Variants in MTRF1 observed in about 807,000 individuals in gnomAD.
The protein encoded by MTRF1 is mitochondrial translation release factor 1, also known as peptide chain release factor 1, mitochondrial.
A neutral mutation model predicts 62.9 loss-of-function variants in MTRF1; 51 were observed. The observed-to-expected ratio is 0.81, with a 90% CI of 0.65 to 1.02. MTRF1 has a LOEUF of 1.02. Among genes scored for constraint, MTRF1 ranks in the 50% least tolerant of loss-of-function variants. MTRF1 has a pLI of 0.00. For missense variants in MTRF1, 446 were observed against 530.0 expected, an observed-to-expected ratio of 0.84 and a Z score of 1.56; for synonymous variants, 158 against 181.9, an observed-to-expected ratio of 0.87 and a Z score of 1.06.
intron 1 of MTRF1, 36 bp from the exon 2 acceptor site, chr13:41,260,951 C>A (rs1457197397): frequency 6.0e-6 from 9 of 1,492,594 alleles, no homozygotes; most frequent in Non-Finnish European, 8.0e-6. Flanking sequence ...AAAAAAAAAT[C>A]ATCTCTAAAG....
At chr13:41,237,218 C>CAAAA (rs11412273) in intron 6 of MTRF1, among the ~76,000 whole-genome samples, 133 of 63,316 alleles carry the variant, frequency 2.1e-3, no homozygotes, top group Middle Eastern at 0.011. Context: ...GAATCTGTCT[C>CAAAA]AAAAAAAAAA....
chr13:41,259,131 C>T lies in MTRF1; in HGVS notation c.415+1362G>A, dbSNP rs578096766. On this transcript the variant is annotated intron_variant, in intron 2 of 9. Transcript: ENST00000379480. ...GGCGGATAATAAGTGTTGGCAAGTA[C>T]GTGGAGAAATATGAACCCTCATACA... Among the ~76,000 whole-genome samples, 12 of 152,192 alleles carry T rather than the reference C, an allele frequency of 7.9e-5. No homozygotes were observed. The East Asian group carries it at 1.7e-3, about 22-fold the overall frequency.
chr13:41,280,214 C>T, the MTRF1 span, among the ~76,000 whole-genome samples: 1 of 152,172 alleles, frequency 6.6e-6, no homozygotes, highest in Non-Finnish European at 1.5e-5. Flanking sequence ...GGATTACAGG[C>T]GTGAGCCACC....
At chr13:41,257,082 A>G (rs977177008) in intron 2 of MTRF1, among the ~76,000 whole-genome samples, 1 of 152,252 alleles carries the variant, frequency 6.6e-6, no homozygotes. Flanking sequence ...TGAACCAGGC[A>G]TGTTAACAAC....
intron 2 of MTRF1, among the ~76,000 whole-genome samples, chr13:41,255,136 CA>C (rs2039542717): frequency 6.6e-6 from 1 of 152,158 alleles, no homozygotes; most frequent in South Asian, 2.1e-4. Context: ...AGCACAGCTA[CA>C]ACTTCCATAT....
upstream of MTRF1, among the ~76,000 whole-genome samples, chr13:41,266,996 CAAAAA>C (rs59609555): frequency 2.5e-5 from 2 of 81,216 alleles, no homozygotes; most frequent in African/African-American, 4.6e-5. Context: ...GACTCTGTCT[CAAAAA>C]AAAAAAAAAA....
the MTRF1 span, among the ~76,000 whole-genome samples, chr13:41,282,709 C>T: frequency 1.3e-5 from 2 of 152,180 alleles, no homozygotes; most frequent in African/African-American, 2.4e-5. Flanking sequence ...AGTTTAGTTA[C>T]AATCTCAAGA....
At chr13:41,275,498 C>CA in the MTRF1 span, among the ~76,000 whole-genome samples, 21 of 139,284 alleles carry the variant, frequency 1.5e-4, no homozygotes, top group Non-Finnish European at 3.1e-4. Flanking sequence ...CCGTGCCCGG[C>CA]TTTTTTTTTT....
chr13:41,280,278 C>G, the MTRF1 span, among the ~76,000 whole-genome samples: 1 of 152,150 alleles, frequency 6.6e-6, no homozygotes, highest in African/African-American at 2.4e-5. Context: ...CCATTGATCC[C>G]AGGTCTTCAG....
the MTRF1 span, among the ~76,000 whole-genome samples, chr13:41,309,689 T>G: frequency 6.6e-6 from 1 of 152,016 alleles, no homozygotes; most frequent in Non-Finnish European, 1.5e-5. Context: ...CCAACCAACT[T>G]AGGCTAGAAA....
the MTRF1 span, chr13:41,311,355 T>C: frequency 1.6e-6 from 1 of 619,752 alleles, no homozygotes; most frequent in African/African-American, 1.9e-5. Context: ...TCCTTCTCCA[T>C]TGCCACCCGT....
the MTRF1 span, among the ~76,000 whole-genome samples, chr13:41,277,825 C>G: frequency 2.6e-5 from 4 of 152,274 alleles, no homozygotes; most frequent in Admixed American, 2.6e-4. Flanking sequence ...TTCTGGTGAC[C>G]AGCTGCCATC....
chr13:41,222,310 G>A (rs187055655), intron 9 of MTRF1, among the ~76,000 whole-genome samples: 1 of 152,120 alleles, frequency 6.6e-6, no homozygotes, highest in Non-Finnish European at 1.5e-5. Flanking sequence ...TGCTGGATGC[G>A]ATTTAGATAG....
chr13:41,220,035 A>G (rs1248718613), intron 9 of MTRF1, among the ~76,000 whole-genome samples: 1 of 145,138 alleles, frequency 6.9e-6, no homozygotes, highest in Non-Finnish European at 1.5e-5. Flanking sequence ...GAGTATTAGG[A>G]CAGGAAAACT....
chr13:41,273,833 G>A, the MTRF1 span, among the ~76,000 whole-genome samples: 19 of 152,078 alleles, frequency 1.2e-4, no homozygotes, highest in African/African-American at 2.4e-4. Context: ...GTGAAACTCC[G>A]TCTCAACAAC....
intron 2 of MTRF1, among the ~76,000 whole-genome samples, chr13:41,256,315 C>G: frequency 6.9e-6 from 1 of 144,496 alleles, no homozygotes; most frequent in East Asian, 2.0e-4. Flanking sequence ...AATTACAGAC[C>G]ATCTGTTGTA....
intron 8 of MTRF1, 96 bp downstream of exon 8, chr13:41,226,336 A>G (rs2034426373): frequency 2.2e-5 from 28 of 1,281,652 alleles, no homozygotes; most frequent in Non-Finnish European, 3.0e-5. Flanking sequence ...TATGCTCTAA[A>G]ACATTCCCAT....
At chr13:41,259,633 C>T (rs375065647) in intron 2 of MTRF1, among the ~76,000 whole-genome samples, 115 of 145,596 alleles carry the variant, frequency 7.9e-4, no homozygotes, top group African/African-American at 2.6e-3. Flanking sequence ...ACCCGGGAGG[C>T]GGAGCTTGCA....
intron 1 of MTRF1, 118 bp downstream of exon 1, chr13:41,263,367 G>T (rs2139234401): frequency 7.5e-6 from 9 of 1,200,254 alleles, no homozygotes; most frequent in Non-Finnish European, 9.9e-6. Flanking sequence ...GGTCAGAAGC[G>T]ACAGCCCGCG....
Sources: gnomAD v4.1 joint callset for allele counts (sites outside exome capture counted in the v4.1 genomes callset) on GRCh38, gnomAD v4.1.1 for gene constraint, MANE v1.5 for transcripts, NCBI Gene and HGNC (gene_info 2026-07-23, HGNC 2026-07-21) for gene names.